The following CPEB1 variants were observed in gnomAD, a reference collection of about 807,000 sequenced individuals.
CPEB1 encodes cytoplasmic polyadenylation element-binding protein 1.
A neutral mutation model predicts 65.8 loss-of-function variants in CPEB1; 7 were observed. The observed-to-expected ratio is 0.11, with a 90% CI of 0.06 to 0.20. The LOEUF (loss-of-function observed/expected upper bound fraction) is 0.20. CPEB1 is among the 10% of genes least tolerant of loss of function. The pLI is 1.00. For missense variants in CPEB1, 551 were observed against 712.2 expected (o/e 0.77, Z 2.58); for synonymous variants, 262 against 260.0 (o/e 1.01, Z -0.08).
Position 82,606,121 on chromosome 15 carries a change from C to T in CPEB1, c.271+21072G>A, listed in dbSNP as rs2043562140. ...GATACTGGTGCAAAGTTTCTGTATACTACTGAAAATAAAATTGGTTATTAT... is the reference window on the plus strand; with the variant it reads ...GATACTGGTGCAAAGTTTCTGTATATTACTGAAAATAAAATTGGTTATTAT... On this transcript the variant is annotated intron_variant, in intron 3 of 12. Coordinates refer to ENST00000684509, the MANE Select transcript of CPEB1 (RefSeq NM_001365242.1). Among the ~76,000 whole-genome samples, 3 of 152,102 alleles carry T rather than the reference C, an allele frequency of 2.0e-5. No individual in the cohort carries two copies. In the South Asian group the frequency reaches 6.2e-4, roughly 32 times the overall value.
chr15:82,558,723 C>A (rs1274891863), intron 4 of CPEB1, among the ~76,000 whole-genome samples: 1 of 152,142 alleles, frequency 6.6e-6, no homozygotes, highest in African/African-American at 2.4e-5. Flanking sequence ...TATTTCATGA[C>A]ATTGTTAGGA....
At chr15:82,579,369 C>A (rs1335278078) in intron 3 of CPEB1, among the ~76,000 whole-genome samples, 1 of 151,994 alleles carries the variant, frequency 6.6e-6, no homozygotes, top group Non-Finnish European at 1.5e-5. Flanking sequence ...GTTGAGGCTA[C>A]GATGAACCAT....
In CPEB1 at chr15:82,589,846, G is replaced by A. The variant is rs533430136; in HGVS notation, c.272-18314C>T. On this transcript the variant is annotated intron_variant, in intron 3 of 12. Coordinates refer to ENST00000684509, the MANE Select transcript of CPEB1 (RefSeq NM_001365242.1). ...GTCCATATTAAACATGTACAGATTT[G>A]TCAGTATTCCCGAAACAATACAGTA... is the stretch of plus-strand genomic sequence containing the variant. 3.9e-5 allele frequency among the ~76,000 whole-genome samples: 6 copies of A among 152,250 alleles called. No homozygotes were observed. The South Asian group carries it at 1.0e-3, about 26-fold the overall frequency.
chr15:82,592,892 G>T (rs958922856), intron 3 of CPEB1, among the ~76,000 whole-genome samples: 2 of 152,168 alleles, frequency 1.3e-5, no homozygotes, highest in African/African-American at 4.8e-5. Flanking sequence ...AGCTACTCGG[G>T]AGGCTGAGGC....
At position 82,571,434 on chromosome 15, in the gene CPEB1, G is replaced by A. The variant is rs765216065; in HGVS notation, c.370C>T (p.Leu124Phe). The change falls in exon 4 of 13, where the codon CTT (leucine) becomes TTT (phenylalanine). Residue 124 changes from leucine (L) to phenylalanine (F), a missense_variant. This residue lies in a region of CPEB1 where 223 missense variants were observed against 228.6 expected (regional missense o/e 0.98). Coordinates refer to ENST00000684509, the MANE Select transcript of CPEB1 (RefSeq NM_001365242.1). ...GTCAGACTGAGGGACTGCAGGCCAA[G>A]GCACAAGTCATTTGCATCTGGGAGG... The part of the protein sequence containing the change: ...RGLPDANDLC[L>F]GLQSLSLTGW... 1 of 1,614,130 alleles carries A rather than the reference G, an allele frequency of 6.2e-7. No homozygotes were observed. Among genetic ancestry groups the A allele is most frequent in the Non-Finnish European group, 8.5e-7 (1 of 1,180,016 alleles).
At chr15:82,625,891 G>T (rs1205971970) in intron 3 of CPEB1, among the ~76,000 whole-genome samples, 2 of 150,854 alleles carry the variant, frequency 1.3e-5, no homozygotes, top group Admixed American at 6.6e-5. Context: ...GGCCGAGGTG[G>T]GTGGATCACC....
intron 4 of CPEB1, among the ~76,000 whole-genome samples, chr15:82,560,166 T>C (rs17158421): frequency 0.013 from 2,022 of 152,232 alleles, 46 homozygotes; most frequent in African/African-American, 0.047. Context: ...AGGCAGAATA[T>C]GTGAAGATTT....
chr15:82,617,343 A>G (rs1596113351), intron 3 of CPEB1, among the ~76,000 whole-genome samples: 2 of 152,182 alleles, frequency 1.3e-5, no homozygotes, highest in East Asian at 1.9e-4. Flanking sequence ...ATTATATATA[A>G]AGAGGCTATG....
chr15:82,590,537 T>C (rs779183961), intron 3 of CPEB1, among the ~76,000 whole-genome samples: 17 of 152,150 alleles, frequency 1.1e-4, no homozygotes, highest in South Asian at 2.1e-4. Flanking sequence ...AGTTCAGCGA[T>C]GTGCAGGTTT....
rs951785016 is a variant in CPEB1 at position 82,544,282 on chromosome 15, T to G, written c.*310A>C. 67 of 216,806 alleles carry G rather than the reference T, an allele frequency of 3.1e-4. 1 individual carries two copies. The highest frequency in any genetic ancestry group is 4.9e-4 in the Non-Finnish European group (54 of 109,310). The allele number at this position is 216,806 out of a possible 1,614,324, so 13.4% of individuals were successfully genotyped here. A position where few individuals can be genotyped will look rare whatever the true frequency, so the allele number is the denominator to read the frequency against. The stretch of plus-strand genomic sequence containing the variant: ...CCTTCTGGACACGTAGTTTTTTTTT[T>G]TTTTTTTTTTTTCCCCGCTTTTCAT... On this transcript the variant is annotated 3_prime_UTR_variant, in exon 13 of 13. Transcript: ENST00000684509.
At chr15:82,644,426 T>C (rs1411887847) in intron 1 of CPEB1, among the ~76,000 whole-genome samples, 1 of 152,234 alleles carries the variant, frequency 6.6e-6, no homozygotes, top group Non-Finnish European at 1.5e-5. Flanking sequence ...CTAAAGCCTG[T>C]TTCCTTTTCT....
chr15:82,574,076 G>A (rs982224813), intron 3 of CPEB1, among the ~76,000 whole-genome samples: 1 of 150,726 alleles, frequency 6.6e-6, no homozygotes, highest in Non-Finnish European at 1.5e-5. Flanking sequence ...AGACCAAATG[G>A]CTACATGCAT....
At chr15:82,613,256 TG>T (rs1430681326) in intron 3 of CPEB1, among the ~76,000 whole-genome samples, 1 of 152,236 alleles carries the variant, frequency 6.6e-6, no homozygotes, top group Non-Finnish European at 1.5e-5. Flanking sequence ...GGCTTTACTT[TG>T]GTATTCTTTC....
At chr15:82,555,569 G>C (rs2037050289) in intron 6 of CPEB1, among the ~76,000 whole-genome samples, 1 of 152,218 alleles carries the variant, frequency 6.6e-6, no homozygotes, top group African/African-American at 2.4e-5. Context: ...GTAAAAGCAA[G>C]AGCAGCACAC....
Position 82,606,686 on chromosome 15 carries a change from C to T in CPEB1, c.271+20507G>A, listed in dbSNP as rs1224341395. On this transcript the variant is annotated intron_variant, in intron 3 of 12. Transcript: ENST00000684509. ...ACAAAAAATTAGCCGGGCGTAGTGG[C>T]GGGCGCCTGTAGTCCCAGCTACTTG... 5.0e-4 allele frequency among the ~76,000 whole-genome samples: 50 copies of T among 100,518 alleles called. 8 individuals are homozygous for T. Among genetic ancestry groups the T allele is most frequent in the African/African-American group, 1.9e-3 (45 of 23,902 alleles). 65.9% of individuals were successfully genotyped at this position (100,518 alleles called of 152,430 possible).
At chr15:82,556,701 T>A (rs2037262678) in intron 5 of CPEB1, among the ~76,000 whole-genome samples, 1 of 152,218 alleles carries the variant, frequency 6.6e-6, no homozygotes, top group South Asian at 2.1e-4. Context: ...TTTCCAAGAC[T>A]GAGTCCAATC....
chr15:82,635,723 G>A (rs891617198), intron 1 of CPEB1, among the ~76,000 whole-genome samples: 2 of 152,170 alleles, frequency 1.3e-5, no homozygotes, highest in African/African-American at 2.4e-5. Context: ...AATCTAGTTA[G>A]CTAAGTGGAG....
chr15:82,648,016 C>G (rs587736783), upstream of CPEB1: 3,345 of 570,072 alleles, frequency 5.9e-3, 19 homozygotes, highest in Non-Finnish European at 6.8e-3. Flanking sequence ...AGCCGCTCCT[C>G]GGAGCCGCCC....
chr15:82,632,338 C>A (rs1405804052), intron 1 of CPEB1, among the ~76,000 whole-genome samples: 2 of 151,972 alleles, frequency 1.3e-5, no homozygotes, highest in Admixed American at 6.6e-5. Flanking sequence ...TAATTTTATA[C>A]AATATTTTTA....
Sources: allele counts gnomAD v4.1 joint callset (sites outside exome capture counted in the v4.1 genomes callset), GRCh38; gene constraint gnomAD v4.1.1; regional missense constraint gnomAD v4.1.1; transcripts MANE v1.5; gene names NCBI Gene and HGNC (gene_info 2026-07-23, HGNC 2026-07-21).